Variants in RFX3 observed in about 807,000 individuals in gnomAD.
RFX3 encodes the protein regulatory factor X3, also known as transcription factor RFX3.
Under a neutral mutation model 98.6 loss-of-function variants are expected in RFX3, and 14 were observed. The observed-to-expected ratio is 0.14, with a 90% CI of 0.09 to 0.22. RFX3 has a LOEUF of 0.22. Ranked by LOEUF, RFX3 falls within the 10% of genes least tolerant of loss-of-function variation. The pLI, the probability that RFX3 is intolerant of heterozygous loss-of-function variation, is 1.00. For synonymous variants in RFX3, 383 were observed against 328.4 expected (o/e 1.17, Z -1.80); for missense variants, 639 against 926.9 (o/e 0.69, Z 4.03).
chr9:3,504,352 T>C (rs1357038551), intron 1 of RFX3, among the ~76,000 whole-genome samples: 1 of 119,148 alleles, frequency 8.4e-6, no homozygotes, highest in South Asian at 2.8e-4. Flanking sequence ...CCACATAGCA[T>C]ATATTGTATA....
intron 2 of RFX3, among the ~76,000 whole-genome samples, chr9:3,351,955 A>T (rs1835185626): frequency 6.6e-6 from 1 of 151,986 alleles, no homozygotes; most frequent in South Asian, 2.1e-4. Context: ...ATATCTGAAG[A>T]GTTGCTGTAC....
chr9:3,497,840 G>A (rs893931539), intron 1 of RFX3, among the ~76,000 whole-genome samples: 1 of 151,996 alleles, frequency 6.6e-6, no homozygotes, highest in Non-Finnish European at 1.5e-5. Context: ...AGTAATCAGA[G>A]TAAGCAGTGC....
At chr9:3,263,785 C>G (rs1245779718) in intron 12 of RFX3, among the ~76,000 whole-genome samples, 1 of 152,172 alleles carries the variant, frequency 6.6e-6, no homozygotes, top group Non-Finnish European at 1.5e-5. Context: ...CCACATTAAC[C>G]TCCCCTCTTG....
chr9:3,352,856 G>C (rs908754694), intron 2 of RFX3, among the ~76,000 whole-genome samples: 3 of 152,008 alleles, frequency 2.0e-5, no homozygotes, highest in African/African-American at 7.2e-5. Flanking sequence ...GTCTCACTGA[G>C]ATAAGGAAAC....
chr9:3,519,843 T>C (rs978382506), intron 1 of RFX3, among the ~76,000 whole-genome samples: 3 of 151,378 alleles, frequency 2.0e-5, no homozygotes, highest in African/African-American at 7.3e-5. Context: ...AAATAAAAAC[T>C]ACAAATATAA....
chr9:3,219,153 T>C lies in RFX3; in HGVS notation c.*5889A>G, dbSNP rs569275621. 35 of 152,302 alleles carry C rather than the reference T, an allele frequency of 2.3e-4. No individual in the cohort carries two copies. The highest frequency in any genetic ancestry group is 4.1e-4 in the Non-Finnish European group (28 of 68,010). 9.4% of individuals were successfully genotyped at this position (152,302 alleles called of 1,614,324 possible). On this transcript the variant is annotated 3_prime_UTR_variant, in exon 17 of 17. Coordinates refer to ENST00000617270, the MANE Select transcript of RFX3 (RefSeq NM_001282116.2). ...GAAATGAGTAGAGAAAAAAATTTGC[T>C]TTGGTACAAAAGATGCTTTTTAAAC...
At chr9:3,414,246 C>G (rs533225756) in intron 1 of RFX3, among the ~76,000 whole-genome samples, 26 of 152,144 alleles carry the variant, frequency 1.7e-4, no homozygotes, top group African/African-American at 5.3e-4. Context: ...AGTCTGCTTA[C>G]AATACTTTTA....
At position 3,246,194 on chromosome 9, in the gene RFX3, T is replaced by C. The variant is rs193147978; in HGVS notation, c.1968+1838A>G. Among the ~76,000 whole-genome samples, 27 of 152,274 alleles carry C rather than the reference T, an allele frequency of 1.8e-4. No homozygotes were observed. The East Asian group carries it at 4.4e-3, about 25-fold the overall frequency. ...GAGTAAGCAAAGAAATCAAGAAGTA[T>C]GATTAGATCTTTGACCATTTTTTAA... is the stretch of plus-strand genomic sequence containing the variant. On this transcript the variant is annotated intron_variant, in intron 15 of 16. Transcript: ENST00000617270.
intron 2 of RFX3, among the ~76,000 whole-genome samples, chr9:3,369,899 C>G (rs6476418): frequency 0.98 from 149,782 of 152,084 alleles, 73,798 homozygotes; most frequent in Middle Eastern, 1. Context: ...GCGCCATCTC[C>G]GCTCACTGCA....
intron 1 of RFX3, among the ~76,000 whole-genome samples, chr9:3,462,866 T>C (rs1414323271): frequency 6.6e-6 from 1 of 151,980 alleles, no homozygotes; most frequent in Non-Finnish European, 1.5e-5. Flanking sequence ...AAAAAATATA[T>C]GCAAGAATTA....
intron 1 of RFX3, among the ~76,000 whole-genome samples, chr9:3,494,077 G>A (rs1245299780): frequency 6.6e-6 from 1 of 152,038 alleles, no homozygotes; most frequent in African/African-American, 2.4e-5. Flanking sequence ...TTAGTATGAT[G>A]AGAGCCACAG....
At chr9:3,361,707 G>A (rs1025746562) in intron 2 of RFX3, among the ~76,000 whole-genome samples, 9 of 150,462 alleles carry the variant, frequency 6.0e-5, no homozygotes, top group Non-Finnish European at 1.2e-4. Flanking sequence ...AAGAACTTTC[G>A]GAGGCCAAGA....
At chr9:3,233,712 T>A (rs1818776943) in intron 15 of RFX3, among the ~76,000 whole-genome samples, 1 of 152,218 alleles carries the variant, frequency 6.6e-6, no homozygotes, top group Non-Finnish European at 1.5e-5. Context: ...TATCATTAAT[T>A]CTTTGTAAGC....
intron 1 of RFX3, among the ~76,000 whole-genome samples, chr9:3,427,372 G>GTA (rs1844176912): frequency 2.3e-5 from 3 of 131,006 alleles, no homozygotes; most frequent in Admixed American, 8.0e-5. Flanking sequence ...AATATATATT[G>GTA]TTATTATATA....
chr9:3,397,882 A>T (rs1841059495), intron 1 of RFX3, among the ~76,000 whole-genome samples: 1 of 152,212 alleles, frequency 6.6e-6, no homozygotes, highest in South Asian at 2.1e-4. Flanking sequence ...AGTTGGTATG[A>T]CTATAATCTG....
chr9:3,519,547 C>T (rs761546136), intron 1 of RFX3, among the ~76,000 whole-genome samples: 6 of 152,160 alleles, frequency 3.9e-5, no homozygotes, highest in Non-Finnish European at 5.9e-5. Context: ...AAGTACGTTA[C>T]ATAAATTATC....
intron 1 of RFX3, among the ~76,000 whole-genome samples, chr9:3,405,188 C>T (rs565013137): frequency 5.3e-5 from 8 of 152,032 alleles, no homozygotes; most frequent in East Asian, 1.9e-4. Context: ...AGTTTAATTG[C>T]GTCCCTTTGA....
chr9:3,333,188 A>T (rs1481468613), intron 3 of RFX3, among the ~76,000 whole-genome samples: 2 of 152,220 alleles, frequency 1.3e-5, no homozygotes, highest in African/African-American at 4.8e-5. Context: ...TGTATCACAA[A>T]TCTTTTATTT....
intron 11 of RFX3, among the ~76,000 whole-genome samples, chr9:3,266,806 C>A (rs1823700509): frequency 6.6e-6 from 1 of 151,982 alleles, no homozygotes; most frequent in South Asian, 2.1e-4. Context: ...TAGAGTAATT[C>A]TCTCTCATCC....
Sources: allele counts gnomAD v4.1 joint callset (sites outside exome capture counted in the v4.1 genomes callset), GRCh38; gene constraint gnomAD v4.1.1; transcripts MANE v1.5; gene names NCBI Gene and HGNC (gene_info 2026-07-23, HGNC 2026-07-21).